The following ASTN2 variants were observed in gnomAD, a reference collection of about 807,000 sequenced individuals.
ASTN2 encodes the protein astrotactin 2, also known as astrotactin-2.
A neutral mutation model predicts 139.8 loss-of-function variants in ASTN2; 54 were observed. That is an observed-to-expected ratio of 0.39 (90% CI 0.31 to 0.48). ASTN2 has a LOEUF of 0.48. Among genes scored for constraint, ASTN2 ranks in the 20% least tolerant of loss-of-function variants. The pLI is 0.95. For synonymous variants in ASTN2, 756 were observed against 719.5 expected, an observed-to-expected ratio of 1.05 and a Z score of -0.81; for missense variants, 1,565 against 1,725.1, an observed-to-expected ratio of 0.91 and a Z score of 1.64.
At chr9:117,170,280 T>C (rs1830761022) in intron 3 of ASTN2, among the ~76,000 whole-genome samples, 1 of 152,132 alleles carries the variant, frequency 6.6e-6, no homozygotes. Context: ...AATGTGCTTG[T>C]ATATCATTGA....
intron 11 of ASTN2, among the ~76,000 whole-genome samples, chr9:116,835,143 G>T (rs1831944660): frequency 6.6e-6 from 1 of 152,066 alleles, no homozygotes; most frequent in Admixed American, 6.6e-5. Flanking sequence ...TCAACTCCAG[G>T]TCTTAATTAT....
chr9:116,699,828 A>G lies in ASTN2; in HGVS notation c.2806+25943T>C, dbSNP rs1158164035. The G allele has an allele frequency of 1.5e-6, 2 of 1,300,092 alleles. No homozygotes were observed. The highest frequency in any genetic ancestry group is 1.5e-5 in the African/African-American group (1 of 67,348). 80.5% of individuals were successfully genotyped at this position (1,300,092 alleles called of 1,614,324 possible). A position where few individuals can be genotyped will look rare whatever the true frequency, so the allele number is the denominator to read the frequency against. ...CCTGATTCCAGCTGGGTAGTTCTAG[A>G]ACTTCAGAAGCTCCATCTTTTAATG... On this transcript the variant is annotated intron_variant, in intron 16 of 22. Transcript: ENST00000313400. The surrounding 1 kb of genome is among the most constrained non-coding windows in gnomAD (Gnocchi z 4.2).
At chr9:116,624,501 A>G (rs921931051) in intron 17 of ASTN2, among the ~76,000 whole-genome samples, 2 of 152,256 alleles carry the variant, frequency 1.3e-5, no homozygotes, top group Non-Finnish European at 2.9e-5. Context: ...ATGAGAATAC[A>G]GAAGGAAGGG....
chr9:117,030,557 T>C (rs991472060), intron 6 of ASTN2, among the ~76,000 whole-genome samples: 2 of 152,168 alleles, frequency 1.3e-5, no homozygotes, highest in Non-Finnish European at 2.9e-5. Flanking sequence ...TCATTAAAAA[T>C]CCCAGTCCCA....
At chr9:116,680,310 C>T (rs1360165751) in intron 16 of ASTN2, among the ~76,000 whole-genome samples, 1 of 152,164 alleles carries the variant, frequency 6.6e-6, no homozygotes, top group Non-Finnish European at 1.5e-5. Flanking sequence ...TACACCATCC[C>T]AAGACTAAAC....
chr9:116,658,300 T>C (rs185134301), intron 16 of ASTN2, among the ~76,000 whole-genome samples: 1 of 152,228 alleles, frequency 6.6e-6, no homozygotes, highest in African/African-American at 2.4e-5. Context: ...CTGAAAAAGC[T>C]GCAGTGGCCT....
intron 3 of ASTN2, among the ~76,000 whole-genome samples, chr9:117,211,989 C>T (rs1243302689): frequency 6.6e-6 from 1 of 152,134 alleles, no homozygotes; most frequent in Non-Finnish European, 1.5e-5. Flanking sequence ...CACTTTCAGA[C>T]CTCAAAATAT....
intron 19 of ASTN2, among the ~76,000 whole-genome samples, chr9:116,507,050 A>T (rs754127277): frequency 3.4e-4 from 51 of 152,204 alleles, no homozygotes; most frequent in Non-Finnish European, 7.3e-4. Flanking sequence ...CCTTGCTATA[A>T]GTCAGGCACT....
At chr9:116,894,318 A>T (rs940281265) in intron 10 of ASTN2, among the ~76,000 whole-genome samples, 1 of 152,004 alleles carries the variant, frequency 6.6e-6, no homozygotes, top group Non-Finnish European at 1.5e-5. Flanking sequence ...GTACCTATTT[A>T]AAAAAAAGTC....
At chr9:116,710,980 G>A (rs1828139585) in intron 16 of ASTN2, among the ~76,000 whole-genome samples, 1 of 152,150 alleles carries the variant, frequency 6.6e-6, no homozygotes, top group African/African-American at 2.4e-5. Flanking sequence ...GGATGGAAAG[G>A]CATTAGACAT....
chr9:116,564,305 A>T (rs781174250), intron 19 of ASTN2, among the ~76,000 whole-genome samples: 71 of 152,176 alleles, frequency 4.7e-4, no homozygotes, highest in South Asian at 4.1e-4. Flanking sequence ...CATGGAACTG[A>T]TTGCCTCCCA....
rs111327560 is a variant in ASTN2, at chr9:117,281,923, G to A, written c.630+9403C>T. ...CAGCCTCGGATCACCCCGATTGCCC[G>A]CCCTTCACTCCATCTACCTCGCTAC... On this transcript the variant is annotated intron_variant, in intron 2 of 22. Coordinates refer to ENST00000313400, the MANE Select transcript of ASTN2 (RefSeq NM_001365068.1). Among the ~76,000 whole-genome samples, 1,157 of 152,132 alleles carry A rather than the reference G, an allele frequency of 7.6e-3. 18 individuals carry two copies. Among genetic ancestry groups the A allele is most frequent in the African/African-American group, 0.027 (1,104 of 41,520 alleles).
intron 1 of ASTN2, among the ~76,000 whole-genome samples, chr9:117,377,749 A>G (rs1186269603): frequency 1.6e-5 from 2 of 128,164 alleles, no homozygotes; most frequent in Admixed American, 8.3e-5. Flanking sequence ...AATCAATACT[A>G]CAGAATAATG....
chr9:117,068,643 T>G (rs1313473913), intron 5 of ASTN2, among the ~76,000 whole-genome samples: 1 of 103,842 alleles, frequency 9.6e-6, no homozygotes, highest in Non-Finnish European at 2.0e-5. Flanking sequence ...GGTCCTGGAC[T>G]CTTTTTGGTT....
At chr9:117,002,022 T>C (rs892503359) in intron 7 of ASTN2, among the ~76,000 whole-genome samples, 2 of 152,216 alleles carry the variant, frequency 1.3e-5, no homozygotes, top group African/African-American at 4.8e-5. Flanking sequence ...TGGATCTGAG[T>C]TAAGCCCCAT....
intron 13 of ASTN2, among the ~76,000 whole-genome samples, chr9:116,735,661 G>A (rs1048639340): frequency 1.4e-4 from 21 of 152,334 alleles, no homozygotes; most frequent in African/African-American, 4.8e-4. Flanking sequence ...GCTGCTATCA[G>A]GAATTCTGCA....
chr9:116,903,717 C>T (rs1834079885), intron 10 of ASTN2, among the ~76,000 whole-genome samples: 1 of 151,932 alleles, frequency 6.6e-6, no homozygotes, highest in Admixed American at 6.6e-5. Context: ...GAGCTCAGCC[C>T]AGGGTGTGGC....
At chr9:117,288,405 T>C (rs896863795) in intron 2 of ASTN2, among the ~76,000 whole-genome samples, 2 of 152,176 alleles carry the variant, frequency 1.3e-5, no homozygotes, top group African/African-American at 4.8e-5. Context: ...GCATAGACCC[T>C]AGCCTCCAGA....
Position 116,970,808 on chromosome 9 carries a change from T to C in ASTN2, c.1889+4400A>G, listed in dbSNP as rs570305313. On this transcript the variant is annotated intron_variant, in intron 10 of 22. Transcript: ENST00000313400. Reference sequence around the variant, plus strand: ...ACAGTATTTCACCATTTCATTTTCGTTGATTTGAGATCACAGAAAAATGAC... The same window carrying C: ...ACAGTATTTCACCATTTCATTTTCGCTGATTTGAGATCACAGAAAAATGAC... Among the ~76,000 whole-genome samples the C allele has an allele frequency of 5.3e-5, 8 of 152,340 alleles. No individual in the cohort carries two copies. The South Asian group carries it at 1.4e-3, about 28-fold the overall frequency.
Sources: allele counts gnomAD v4.1 joint callset (sites outside exome capture counted in the v4.1 genomes callset), GRCh38; gene constraint gnomAD v4.1.1; non-coding constraint Gnocchi (gnomAD v3.1); transcripts MANE v1.5; gene names NCBI Gene and HGNC (gene_info 2026-07-23, HGNC 2026-07-21).